The following CDKL5 variants were observed in gnomAD, a reference collection of about 807,000 sequenced individuals.
CDKL5 encodes the protein cyclin-dependent kinase-like 5.
In CDKL5, 8 loss-of-function variants were observed where a neutral mutation model predicts 61.7. That is an observed-to-expected ratio of 0.13 (90% CI 0.08 to 0.23). CDKL5 has a LOEUF of 0.23. CDKL5 is among the 10% of genes least tolerant of loss of function. CDKL5 has a pLI of 1.00. For synonymous variants in CDKL5, 275 were observed against 272.3 expected (o/e 1.01, Z -0.10); for missense variants, 440 against 734.5 (o/e 0.60, Z 4.63).
At chrX:18,438,650 C>T (rs934999867) in intron 1 of CDKL5, among the ~76,000 whole-genome samples, 2 of 106,689 alleles carry the variant, frequency 1.9e-5, no homozygotes, top group South Asian at 8.8e-4. Context: ...ATTAGCCGGG[C>T]GTGGTGGTGT....
chrX:18,539,401 T>G (rs1365802078), intron 3 of CDKL5, among the ~76,000 whole-genome samples: 1 of 112,281 alleles, frequency 8.9e-6, no homozygotes, highest in Non-Finnish European at 1.9e-5. Context: ...TGATACATGT[T>G]GTATTTTCAT....
intron 14 of CDKL5, among the ~76,000 whole-genome samples, chrX:18,610,394 C>T (rs966381381): frequency 1.8e-5 from 2 of 112,505 alleles, no homozygotes; most frequent in East Asian, 2.8e-4. Context: ...TGGACTGAAA[C>T]ATTTTCTTCT....
intron 4 of CDKL5, among the ~76,000 whole-genome samples, chrX:18,573,176 T>C (rs1376777779): frequency 9.0e-6 from 1 of 110,947 alleles, no homozygotes; most frequent in Non-Finnish European, 1.9e-5. Context: ...GAGAGGGACA[T>C]GAGATGGGGA....
intron 3 of CDKL5, among the ~76,000 whole-genome samples, chrX:18,512,674 A>C (rs1160708331): frequency 9.0e-6 from 1 of 111,227 alleles, no homozygotes; most frequent in Non-Finnish European, 1.9e-5. Flanking sequence ...TTAAAATAAT[A>C]AATATAATAA....
chrX:18,459,786 C>G lies in CDKL5; in HGVS notation c.-163+34091C>G, dbSNP rs776804823. ...GTGGTGTGATCTCAGCTCACTGCAA[C>G]CTGTGCCTCCCGGGTTCAAGTGATT... On this transcript the variant is annotated intron_variant, in intron 1 of 17. Transcript: ENST00000623535. 4.3e-5 allele frequency among the ~76,000 whole-genome samples: 4 copies of G among 93,177 alleles called. No individual in the cohort carries two copies. In the East Asian group the frequency reaches 1.5e-3, roughly 36 times the overall value. The allele number at this position is 93,177 out of a possible 115,157, so 80.9% of individuals were successfully genotyped here.
chrX:18,506,159 C>G, intron 1 of CDKL5, among the ~76,000 whole-genome samples: 2 of 111,974 alleles, frequency 1.8e-5, no homozygotes, highest in Admixed American at 1.9e-4. Flanking sequence ...TTTGAGGTAC[C>G]CCTATCATTC....
intron 1 of CDKL5, among the ~76,000 whole-genome samples, chrX:18,499,796 C>T (rs946549120): frequency 5.4e-5 from 6 of 111,871 alleles, no homozygotes; most frequent in Non-Finnish European, 1.1e-4. Flanking sequence ...GGTTCTTGTT[C>T]GTGGTATCTT....
In CDKL5 at chrX:18,539,832, A is replaced by G. The variant is rs1020696804; in HGVS notation, c.100-24645A>G. Among the ~76,000 whole-genome samples the G allele has an allele frequency of 5.4e-5, 6 of 111,898 alleles. No homozygotes were observed. The South Asian group carries it at 2.2e-3, about 41-fold the overall frequency. On this transcript the variant is annotated intron_variant, in intron 3 of 17. Transcript: ENST00000623535. Reference sequence around the variant, plus strand: ...GTATTGTGTTCTTAGTTACTGATCTAGGTATTAAAATATACATTTGTATTT... The same window carrying G: ...GTATTGTGTTCTTAGTTACTGATCTGGGTATTAAAATATACATTTGTATTT...
intron 3 of CDKL5, among the ~76,000 whole-genome samples, chrX:18,544,588 C>T (rs1309688666): frequency 8.9e-6 from 1 of 111,884 alleles, no homozygotes; most frequent in Non-Finnish European, 1.9e-5. Context: ...GATTCAAATG[C>T]AGGCAGTCTA....
At chrX:18,474,826 A>C (rs989071096) in intron 1 of CDKL5, among the ~76,000 whole-genome samples, 1 of 112,441 alleles carries the variant, frequency 8.9e-6, no homozygotes, top group Non-Finnish European at 1.9e-5. Flanking sequence ...AAGGTAGTGA[A>C]TGAAATTTGG....
chrX:18,584,018 C>T (rs1798355574), intron 7 of CDKL5, among the ~76,000 whole-genome samples: 1 of 111,527 alleles, frequency 9.0e-6, no homozygotes, highest in African/African-American at 3.3e-5. Flanking sequence ...TTCGAAAACC[C>T]GGTTTTCTTT....
intron 1 of CDKL5, among the ~76,000 whole-genome samples, chrX:18,432,733 A>G (rs1308479096): frequency 9.2e-6 from 1 of 108,221 alleles, no homozygotes; most frequent in Non-Finnish European, 1.9e-5. Flanking sequence ...CAGCCTCCTG[A>G]GTAGCTGGGA....
intron 3 of CDKL5, among the ~76,000 whole-genome samples, chrX:18,518,385 C>CTTATTTTTTTTT (rs1923109821): frequency 1.3e-4 from 3 of 22,794 alleles, no homozygotes; most frequent in East Asian, 1.4e-3. Flanking sequence ...CTTTTCTTTT[C>CTTATTTTTTTTT]TTATTTTTTT....
At chrX:18,532,177 A>G (rs1923672716) in intron 3 of CDKL5, among the ~76,000 whole-genome samples, 1 of 112,158 alleles carries the variant, frequency 8.9e-6, no homozygotes, top group African/African-American at 3.2e-5. Flanking sequence ...TTCTTAGCTG[A>G]AATGACTCAT....
Position 18,629,878 on chromosome X carries a change from T to C in CDKL5, c.*1121T>C. ...AATGTGCTCTTCCACTTAGCATTAGTGTAGAGCGTAGACCAAAGATTTGCC... is the reference window on the plus strand; with the variant it reads ...AATGTGCTCTTCCACTTAGCATTAGCGTAGAGCGTAGACCAAAGATTTGCC... On this transcript the variant is annotated 3_prime_UTR_variant, in exon 18 of 18. Transcript: ENST00000623535. 1.3e-6 allele frequency: 1 copy of C among 754,086 alleles called. No homozygotes were observed. The highest frequency in any genetic ancestry group is 6.7e-5 in the South Asian group (1 of 14,832). The allele number at this position is 754,086 out of a possible 1,213,427, so 62.1% of individuals were successfully genotyped here.
At chrX:18,537,404 C>T (rs1923880325) in intron 3 of CDKL5, among the ~76,000 whole-genome samples, 1 of 111,853 alleles carries the variant, frequency 8.9e-6, no homozygotes, top group African/African-American at 3.3e-5. Context: ...TTCCTTATAT[C>T]CTTTGACCAG....
At chrX:18,514,538 C>A (rs1056028505) in intron 3 of CDKL5, among the ~76,000 whole-genome samples, 5 of 109,414 alleles carry the variant, frequency 4.6e-5, no homozygotes, top group African/African-American at 1.3e-4. Context: ...GAAACCTGGT[C>A]TCTACTAAAA....
At chrX:18,456,034 C>A (rs1932131840) in intron 1 of CDKL5, among the ~76,000 whole-genome samples, 1 of 110,369 alleles carries the variant, frequency 9.1e-6, no homozygotes, top group Admixed American at 9.7e-5. Context: ...ACAACCCAAT[C>A]TTTTTCTTTC....
intron 8 of CDKL5, among the ~76,000 whole-genome samples, chrX:18,584,754 C>T (rs1957183987): frequency 1.8e-5 from 2 of 111,726 alleles, no homozygotes; most frequent in Admixed American, 1.9e-4. Context: ...GAATTCTGTG[C>T]TATTAAGAGG....
Sources: allele counts gnomAD v4.1 joint callset (sites outside exome capture counted in the v4.1 genomes callset), GRCh38; gene constraint gnomAD v4.1.1; transcripts MANE v1.5; gene names NCBI Gene and HGNC (gene_info 2026-07-23, HGNC 2026-07-21).